GLB1L: variants seen among roughly 807,000 people sequenced by gnomAD.
GLB1L encodes beta-galactosidase-1-like protein.
GLB1L carries 58 observed loss-of-function variants against 75.7 expected under a neutral mutation model. That is an observed-to-expected ratio of 0.77 (90% CI 0.62 to 0.95). The LOEUF (loss-of-function observed/expected upper bound fraction) is 0.95. Ranked by LOEUF, GLB1L falls within the 40% of genes least tolerant of loss-of-function variation. GLB1L has a pLI of 0.00. For synonymous variants in GLB1L, 296 were observed against 303.0 expected, an observed-to-expected ratio of 0.98 and a Z score of 0.24; for missense variants, 797 against 805.5, an observed-to-expected ratio of 0.99 and a Z score of 0.13.
rs188373761 is a variant in GLB1L, at chr2:219,243,165, G to C, written c.222C>G (p.Gly74=). The change falls in exon 3 of 17, where the codon GGC becomes GGG. Residue 74 remains glycine (G), a synonymous_variant. Transcript: ENST00000295759. ...ADRLLKMRWS[G]LNAIQFYVPW... ...CTTCTTACAACTGTATGGCGTTGAGGCCGCTCCATCGCATCTTCAAAAGCC... is the reference window on the plus strand; with the variant it reads ...CTTCTTACAACTGTATGGCGTTGAGCCCGCTCCATCGCATCTTCAAAAGCC... The C allele has an allele frequency of 6.2e-7, 1 of 1,611,270 alleles. No individual in the cohort carries two copies.
intron 5 of GLB1L, among the ~76,000 whole-genome samples, chr2:219,241,438 G>GTATATATA (rs1210794187): frequency 3.2e-4 from 27 of 85,170 alleles, no homozygotes; most frequent in Admixed American, 6.7e-4. Context: ...GTGTGTGTGT[G>GTATATATA]TGTGTATATA....
chr2:219,236,811 C>T lies in GLB1L; in HGVS notation c.*261G>A, dbSNP rs1434932618. 1 of 262,310 alleles carries T rather than the reference C, an allele frequency of 3.8e-6. No homozygotes were observed. The highest frequency in any genetic ancestry group is 7.0e-5 in the East Asian group (1 of 14,358). The allele number at this position is 262,310 out of a possible 1,614,324, so 16.2% of individuals were successfully genotyped here. On this transcript the variant is annotated 3_prime_UTR_variant, in exon 17 of 17. Transcript: ENST00000295759. The stretch of plus-strand genomic sequence containing the variant: ...ATGGAGTGTCTCACTGTCAGCCAGG[C>T]TGGAGTGCAGTGGTACAACCTCCAC...
chr2:219,241,463 T>TATATAC (rs1202119681), intron 5 of GLB1L, among the ~76,000 whole-genome samples: 51 of 137,558 alleles, frequency 3.7e-4, no homozygotes, highest in Admixed American at 7.3e-4. Flanking sequence ...TATATATATA[T>TATATAC]ATACATACAT....
chr2:219,239,132 G>C lies in GLB1L; in HGVS notation c.1022C>G (p.Pro341Arg). Residue 341 changes from proline (P) to arginine (R), a missense_variant, in exon 11 of 17, where the codon CCC becomes CGC. Pro to Arg is a moderately radical substitution (Grantham distance 103, BLOSUM62 -2). Coordinates refer to ENST00000295759, the MANE Select transcript of GLB1L (RefSeq NM_001286423.2). ...YDAPISEAGDPTPKLFALRDV... is the reference protein window; with the variant it reads ...YDAPISEAGDRTPKLFALRDV... ...TCGAAGAGCAAAAAGCTTAGGTGTGGGGTCCCCTGCTTCAGATATAGGTGC... is the reference window on the plus strand; with the variant it reads ...TCGAAGAGCAAAAAGCTTAGGTGTGCGGTCCCCTGCTTCAGATATAGGTGC... The C allele has an allele frequency of 6.2e-7, 1 of 1,614,038 alleles. No individual in the cohort carries two copies. The highest frequency in any genetic ancestry group is 8.5e-7 in the Non-Finnish European group (1 of 1,179,898).
intron 5 of GLB1L, among the ~76,000 whole-genome samples, 153 bp downstream of exon 5, chr2:219,242,361 G>A (rs967550183): frequency 1.3e-5 from 2 of 151,756 alleles, no homozygotes; most frequent in Admixed American, 6.6e-5. Flanking sequence ...GGTCTGTCTG[G>A]TCCCCCAGTT....
chr2:219,238,189 G>T, intron 14 of GLB1L, 61 bp downstream of exon 14: 1 of 1,266,218 alleles, frequency 7.9e-7, no homozygotes, highest in South Asian at 1.4e-5. Flanking sequence ...GGGAACTTAA[G>T]GCTAACGCTT....
chr2:219,237,734 G>A lies in GLB1L; in HGVS notation c.1474-7C>T, dbSNP rs1951285149. The A allele has an allele frequency of 6.2e-7, 1 of 1,613,234 alleles. No individual in the cohort carries two copies. The highest frequency in any genetic ancestry group is 8.5e-7 in the Non-Finnish European group (1 of 1,179,514). On this transcript the variant is annotated splice_region_variant and splice_polypyrimidine_tract_variant and intron_variant, in intron 15 of 16. Transcript: ENST00000295759. ...TTGGTGGCTTCAACAGGCCCTATAG[G>A]GAAGGAAAATGAAAAGTCATCATTC... is the stretch of plus-strand genomic sequence containing the variant.
At chr2:219,244,301 G>C (rs1951475479) in intron 1 of GLB1L, among the ~76,000 whole-genome samples, 1 of 152,152 alleles carries the variant, frequency 6.6e-6, no homozygotes, top group Non-Finnish European at 1.5e-5. Context: ...CTGAGGACAG[G>C]GAGTGCCCTG....
In GLB1L at chr2:219,237,044, G is replaced by C. The variant is rs775891586; in HGVS notation, c.*28C>G. The C allele has an allele frequency of 1.9e-6, 3 of 1,555,130 alleles. 1 individual carries two copies. In the South Asian group the frequency reaches 3.5e-5, roughly 18 times the overall value. On this transcript the variant is annotated 3_prime_UTR_variant, in exon 17 of 17. Transcript: ENST00000295759. ...GCCTCCCAAAGTGCTGGGATTACAG[G>C]CATGAGCCACCATGCCCGGCCTACC...
In GLB1L at chr2:219,238,607, T is replaced by C. The variant is rs368910955; in HGVS notation, c.1138-23A>G. ...AACCTATTAGAATAAGGGAGAAGAA[T>C]TAGAATATCAGGGAAGTTTCTGGAT... On this transcript the variant is annotated intron_variant, in intron 12 of 16. Transcript: ENST00000295759. 1.2e-5 allele frequency: 19 copies of C among 1,607,168 alleles called. No homozygotes were observed. In the African/African-American group the frequency reaches 2.0e-4, roughly 17 times the overall value.
In GLB1L at chr2:219,243,511, C is replaced by T. The variant is rs759583681; in HGVS notation, c.63G>A (p.Leu21=). The part of the protein sequence containing the change: ...SLLLPLSLTL[L]LPQADTRSFV... ...CACCGTCTCATCTTACCTGGGGCAGCAGTAGCGTCAGGCTGAGCGGCAGCA... is the reference window on the plus strand; with the variant it reads ...CACCGTCTCATCTTACCTGGGGCAGTAGTAGCGTCAGGCTGAGCGGCAGCA... Residue 21 remains leucine (L), a synonymous_variant, in exon 2 of 17, where the codon CTG becomes CTA. Coordinates refer to ENST00000295759, the MANE Select transcript of GLB1L (RefSeq NM_001286423.2). The T allele has an allele frequency of 6.0e-5, 97 of 1,614,090 alleles. No homozygotes were observed. Among genetic ancestry groups the T allele is most frequent in the Non-Finnish European group, 7.9e-5 (93 of 1,180,028 alleles).
chr2:219,243,312 T>C lies in GLB1L; in HGVS notation c.75A>G (p.Ala25=), dbSNP rs1270935754. 1 of 1,595,798 alleles carries C rather than the reference T, an allele frequency of 6.3e-7. No homozygotes were observed. Among genetic ancestry groups the C allele is most frequent in the African/African-American group, 1.3e-5 (1 of 74,132 alleles). Reference sequence around the variant, plus strand: ...TATCCACTACGAACGACCGAGTGTCTGCCTATAAAGAGAAAGAGACGCTGC... The same window carrying C: ...TATCCACTACGAACGACCGAGTGTCCGCCTATAAAGAGAAAGAGACGCTGC... ...PLSLTLLLPQ[A]DTRSFVVDRG... is the part of the protein sequence containing the mutation. The change falls in exon 3 of 17, where the codon GCA becomes GCG. Residue 25 remains alanine (A), a splice_region_variant and synonymous_variant. Transcript: ENST00000295759.
In GLB1L at chr2:219,243,625, C is replaced by T. The variant is rs1310850530; in HGVS notation, c.-52G>A. On this transcript the variant is annotated 5_prime_UTR_variant, in exon 2 of 17. Coordinates refer to ENST00000295759, the MANE Select transcript of GLB1L (RefSeq NM_001286423.2). The stretch of plus-strand genomic sequence containing the variant: ...AGACGGCGGACAGACCGTCACGTGT[C>T]GGATTCCTGGGAGGGAACCTCAGCG... The T allele has an allele frequency of 1.3e-6, 2 of 1,586,580 alleles. No individual in the cohort carries two copies. Among genetic ancestry groups the T allele is most frequent in the Admixed American group, 3.3e-5 (2 of 59,906 alleles).
At chr2:219,242,717 C>T (rs1951421316) in intron 4 of GLB1L, 51 bp downstream of exon 4, 2 of 1,606,438 alleles carry the variant, frequency 1.2e-6, no homozygotes, top group East Asian at 4.5e-5. Context: ...TGGGAGTAGT[C>T]TAGGAACTGC....
chr2:219,238,167 A>G, intron 14 of GLB1L, 83 bp downstream of exon 14: 2 of 1,116,540 alleles, frequency 1.8e-6, no homozygotes, highest in African/African-American at 1.6e-5. Flanking sequence ...CAGGTGGGAA[A>G]GTGTAAATAT....
chr2:219,243,377 G>A, intron 2 of GLB1L, 63 bp from the exon 3 acceptor site: 1 of 1,588,820 alleles, frequency 6.3e-7, no homozygotes. Flanking sequence ...GTCAGCGCCT[G>A]CCAAGAGCGG....
chr2:219,240,454 A>G (rs1951357190), intron 5 of GLB1L, among the ~76,000 whole-genome samples, 169 bp from the exon 6 acceptor site: 1 of 152,258 alleles, frequency 6.6e-6, no homozygotes, highest in South Asian at 2.1e-4. Flanking sequence ...GTTTCTTAAA[A>G]ACAAATGGGC....
rs754331394 is a variant in GLB1L at position 219,243,546 on chromosome 2, G to C, written c.28C>G (p.Arg10Gly). The part of the protein sequence containing the change: MAPKKLSCL[R>G]SLLLPLSLTL... ...AGGCTGAGCGGCAGCAGCAGGGAAC[G>C]AAGGCAGGACAGCTTCTTGGGAGCC... Residue 10 changes from arginine (R) to glycine (G), a missense_variant, in exon 2 of 17, where the codon CGT (arginine) becomes GGT (glycine). Coordinates refer to ENST00000295759, the MANE Select transcript of GLB1L (RefSeq NM_001286423.2). 6.2e-7 allele frequency: 1 copy of C among 1,614,212 alleles called. No individual in the cohort carries two copies. Among genetic ancestry groups the C allele is most frequent in the Non-Finnish European group, 8.5e-7 (1 of 1,180,014 alleles).
intron 5 of GLB1L, among the ~76,000 whole-genome samples, chr2:219,241,440 G>GTATATATATATATA (rs1156460315): frequency 4.7e-5 from 4 of 85,528 alleles, no homozygotes; most frequent in South Asian, 4.5e-4. Context: ...GTGTGTGTGT[G>GTATATATATATATA]TGTATATATA....
Sources: allele counts gnomAD v4.1 joint callset (sites outside exome capture counted in the v4.1 genomes callset), GRCh38; gene constraint gnomAD v4.1.1; transcripts MANE v1.5; gene names NCBI Gene and HGNC (gene_info 2026-07-23, HGNC 2026-07-21).